The following ITGA2 variants were observed in gnomAD, a reference collection of about 807,000 sequenced individuals.
The protein encoded by ITGA2 is integrin alpha-2.
ITGA2 carries 101 observed loss-of-function variants against 146.3 expected under a neutral mutation model. The observed-to-expected ratio is 0.69, with a 90% CI of 0.59 to 0.81. ITGA2 has a LOEUF of 0.81. Among genes scored for constraint, ITGA2 ranks in the 40% least tolerant of loss-of-function variants. ITGA2 has a pLI of 0.00. For synonymous variants in ITGA2, 477 were observed against 487.1 expected (o/e 0.98, Z 0.27); for missense variants, 1,281 against 1,402.7 (o/e 0.91, Z 1.39).
At position 53,007,502 on chromosome 5, in the gene ITGA2, G is replaced by A. The variant is rs1561085656; in HGVS notation, c.64+17970G>A. Among the ~76,000 whole-genome samples, 5 of 151,544 alleles carry A rather than the reference G, an allele frequency of 3.3e-5. No individual in the cohort carries two copies. In the South Asian group the frequency reaches 1.0e-3, roughly 32 times the overall value. On this transcript the variant is annotated intron_variant, in intron 1 of 29. Transcript: ENST00000296585. The stretch of plus-strand genomic sequence containing the variant: ...ATATGCTATTTTGAGAGAGAGAAAC[G>A]GGGAGAGAGAGAGAAAAAAAAAAGA...
chr5:53,073,487 C>T (rs545431212), intron 20 of ITGA2, among the ~76,000 whole-genome samples: 2 of 151,918 alleles, frequency 1.3e-5, no homozygotes, highest in East Asian at 2.0e-4. Flanking sequence ...GACTTGGCAG[C>T]AGTAGCCAGA....
At chr5:53,057,089 C>A (rs931289134) in intron 9 of ITGA2, among the ~76,000 whole-genome samples, 1 of 151,828 alleles carries the variant, frequency 6.6e-6, no homozygotes, top group Non-Finnish European at 1.5e-5. Context: ...ATCCAGCATA[C>A]CCTGAGATAA....
chr5:53,083,227 G>A, intron 26 of ITGA2, 113 bp from the exon 27 acceptor site: 1 of 712,160 alleles, frequency 1.4e-6, no homozygotes, highest in Non-Finnish European at 2.5e-6. Flanking sequence ...GAGATTGCCT[G>A]TTTCCCTAGG....
rs377001711 is a variant in ITGA2, at chr5:53,019,594, C to T, written c.65-7154C>T. On this transcript the variant is annotated intron_variant, in intron 1 of 29. Coordinates refer to ENST00000296585, the MANE Select transcript of ITGA2 (RefSeq NM_002203.4). ...AGGCTGCAGTGCAGTGGCATGATCT[C>T]GGCTCACTCCAACTTCCACCTCCTG... 2.3e-4 allele frequency among the ~76,000 whole-genome samples: 35 copies of T among 152,264 alleles called. No individual in the cohort carries two copies. In the South Asian group the frequency reaches 5.8e-3, roughly 25 times the overall value.
intron 2 of ITGA2, among the ~76,000 whole-genome samples, chr5:53,034,219 C>A (rs1284263953): frequency 6.6e-6 from 1 of 151,976 alleles, no homozygotes; most frequent in African/African-American, 2.4e-5. Flanking sequence ...TAAATACTTA[C>A]TGTTAAAAAT....
chr5:52,989,683 T>G (rs1740823556), intron 1 of ITGA2, 151 bp downstream of exon 1: 2 of 806,806 alleles, frequency 2.5e-6, no homozygotes, highest in South Asian at 3.2e-5. Context: ...CAGGACCTGC[T>G]TGGAAAGAGA....
intron 1 of ITGA2, among the ~76,000 whole-genome samples, chr5:53,005,888 A>G (rs973596128): frequency 1.3e-5 from 2 of 152,206 alleles, no homozygotes; most frequent in African/African-American, 4.8e-5. Context: ...AGGCACTGCG[A>G]TATACTACTG....
chr5:53,091,021 C>G lies in ITGA2; in HGVS notation c.*422C>G, dbSNP rs1740392086. The G allele has an allele frequency of 2.5e-6, 1 of 397,902 alleles. No homozygotes were observed. Among genetic ancestry groups the G allele is most frequent in the Non-Finnish European group, 4.5e-6 (1 of 223,590 alleles). The allele number at this position is 397,902 out of a possible 1,614,324, so 24.6% of individuals were successfully genotyped here. ...AACAGCAACTACAGAAGTGGAAGTG[C>G]TTGATATGTAAGTACTTCCACTTGT... On this transcript the variant is annotated 3_prime_UTR_variant, in exon 30 of 30. Coordinates refer to ENST00000296585, the MANE Select transcript of ITGA2 (RefSeq NM_002203.4).
At position 53,078,795 on chromosome 5, in the gene ITGA2, A is replaced by C; in HGVS notation, c.2849A>C (p.Glu950Ala). The change falls in exon 24 of 30, where the codon GAA becomes GCA. Residue 950 changes from glutamate (E) to alanine (A), a missense_variant. Physicochemically the swap from Glu to Ala is moderately radical, Grantham distance 107. Transcript: ENST00000296585. ...LTRSTNINFYEISSDGNVPSI... is the reference protein window; with the variant it reads ...LTRSTNINFYAISSDGNVPSI... ...AGATCTACCAACATAAATTTTTATG[A>C]AATCTCTTCGGATGGGAATGTTCCT... The C allele has an allele frequency of 1.2e-6, 2 of 1,609,450 alleles. No individual in the cohort carries two copies. The highest frequency in any genetic ancestry group is 1.7e-6 in the Non-Finnish European group (2 of 1,176,340).
chr5:53,060,939 C>G lies in ITGA2; in HGVS notation c.1351C>G (p.His451Asp). The G allele has an allele frequency of 6.2e-7, 1 of 1,612,474 alleles. No individual in the cohort carries two copies. The highest frequency in any genetic ancestry group is 1.3e-5 in the African/African-American group (1 of 74,920). Residue 451 changes from histidine (H) to aspartate (D), a missense_variant, in exon 12 of 30, where the codon CAC becomes GAC. By Grantham distance (81) the His-to-Asp change is moderately conservative. Around this residue, in one of 3 missense-constraint regions of ITGA2, gnomAD observed 795 missense variants for 841.7 expected, o/e 0.94. Transcript: ENST00000296585. The part of the protein sequence containing the change: ...VAAISTGEST[H>D]FVAGAPRANY... ...TGCAATTTCTACTGGAGAAAGCACT[C>G]ACTTTGTTGCTGGTGCTCCTCGGGC...
chr5:53,040,717 A>G (rs771944105), intron 2 of ITGA2, among the ~76,000 whole-genome samples: 1 of 152,180 alleles, frequency 6.6e-6, no homozygotes, highest in Non-Finnish European at 1.5e-5. Context: ...GTTTGAGAAT[A>G]ATTTTATAAG....
Position 53,004,894 on chromosome 5 carries a change from G to GTTTTTTGTTTTTTT in ITGA2, c.64+15368_64+15369insGTTTTTTTTTTTTT, listed in dbSNP as rs1741753113. Among the ~76,000 whole-genome samples the GTTTTTTGTTTTTTT allele has an allele frequency of 3.6e-5, 2 of 55,924 alleles. 1 individual carries two copies. The highest frequency in any genetic ancestry group is 1.9e-4 in the African/African-American group (2 of 10,780). The allele number at this position is 55,924 out of a possible 152,430, so 36.7% of individuals were successfully genotyped here. A position where few individuals can be genotyped will look rare whatever the true frequency, so the allele number is the denominator to read the frequency against. ...TACAACTTCTAAGTTTAGTTGCTTT[G>GTTTTTTGTTTTTTT]TTTTTTTTTTTTTTTTTTTTTTTTT... On this transcript the variant is annotated intron_variant, in intron 1 of 29. Coordinates refer to ENST00000296585, the MANE Select transcript of ITGA2 (RefSeq NM_002203.4).
At position 53,060,783 on chromosome 5, in the gene ITGA2, T is replaced by G. The variant is rs543902913; in HGVS notation, c.1313-118T>G. The G allele has an allele frequency of 5.2e-6, 5 of 953,896 alleles. No homozygotes were observed. In the South Asian group the frequency reaches 6.5e-5, roughly 12 times the overall value. 59.1% of individuals were successfully genotyped at this position (953,896 alleles called of 1,614,324 possible). A position where few individuals can be genotyped will look rare whatever the true frequency, so the allele number is the denominator to read the frequency against. On this transcript the variant is annotated intron_variant, in intron 11 of 29. Coordinates refer to ENST00000296585, the MANE Select transcript of ITGA2 (RefSeq NM_002203.4). Reference sequence around the variant, plus strand: ...TCCTCAGTGATGTATTCAGGAGCACTAGAAACTTTGCATCACATCTAACAC... The same window carrying G: ...TCCTCAGTGATGTATTCAGGAGCACGAGAAACTTTGCATCACATCTAACAC...
intron 7 of ITGA2, among the ~76,000 whole-genome samples, chr5:53,052,782 A>G (rs897612775): frequency 1.3e-5 from 2 of 152,018 alleles, no homozygotes. Flanking sequence ...CCTCTTCACT[A>G]GCTCCTTTTC....
intron 1 of ITGA2, among the ~76,000 whole-genome samples, chr5:53,003,482 G>A (rs1160173335): frequency 6.6e-6 from 1 of 152,122 alleles, no homozygotes. Flanking sequence ...TACTGTTAGA[G>A]GGAGGCAGCT....
rs757606986 is a variant in ITGA2 at position 53,026,807 on chromosome 5, G to A, written c.124G>A (p.Gly42Ser). Residue 42 changes from glycine (G) to serine (S), a missense_variant, in exon 2 of 30, where the codon GGT (glycine) becomes AGT (serine). By Grantham distance (56) the Gly-to-Ser change is moderately conservative. Coordinates refer to ENST00000296585, the MANE Select transcript of ITGA2 (RefSeq NM_002203.4). ...VGLPEAKIFSGPSSEQFGYAV... is the reference protein window; with the variant it reads ...VGLPEAKIFSSPSSEQFGYAV... Reference sequence around the variant, plus strand: ...TCTCCCAGAAGCAAAAATATTTTCCGGTCCTTCAAGTGAACAGTTTGGCTA... The same window carrying A: ...TCTCCCAGAAGCAAAAATATTTTCCAGTCCTTCAAGTGAACAGTTTGGCTA... 8 of 1,613,118 alleles carry A rather than the reference G, an allele frequency of 5.0e-6. No individual in the cohort carries two copies. The highest frequency in any genetic ancestry group is 1.7e-4 in the Middle Eastern group (1 of 6,056).
chr5:53,022,979 T>C (rs910852614), intron 1 of ITGA2, among the ~76,000 whole-genome samples: 2 of 152,218 alleles, frequency 1.3e-5, no homozygotes, highest in African/African-American at 4.8e-5. Flanking sequence ...CTGCATGAGA[T>C]AAAATGTATT....
At chr5:53,082,720 G>A (rs532627094) in intron 26 of ITGA2, among the ~76,000 whole-genome samples, 64 of 152,260 alleles carry the variant, frequency 4.2e-4, no homozygotes, top group African/African-American at 1.3e-3. Context: ...CACTCTTGGT[G>A]TTGTTAAAAT....
intron 1 of ITGA2, among the ~76,000 whole-genome samples, chr5:53,023,637 A>G (rs1742793849): frequency 6.6e-6 from 1 of 152,180 alleles, no homozygotes; most frequent in South Asian, 2.1e-4. Context: ...TGAATGATCC[A>G]TTTTTTAAGT....
Sources: gnomAD v4.1 joint callset for allele counts (sites outside exome capture counted in the v4.1 genomes callset) on GRCh38, gnomAD v4.1.1 for gene constraint, gnomAD v4.1.1 regional missense constraint, MANE v1.5 for transcripts, NCBI Gene and HGNC (gene_info 2026-07-23, HGNC 2026-07-21) for gene names.